Variants in PLCH2 observed in about 807,000 individuals in gnomAD.
PLCH2 encodes the protein 1-phosphatidylinositol 4,5-bisphosphate phosphodiesterase eta-2.
A neutral mutation model predicts 134.7 loss-of-function variants in PLCH2; 98 were observed. The observed-to-expected ratio is 0.73, with a 90% confidence interval of 0.62 to 0.86. PLCH2 has a LOEUF of 0.86. Ranked by LOEUF, PLCH2 falls within the 40% of genes least tolerant of loss-of-function variation. The pLI, the probability that PLCH2 is intolerant of heterozygous loss-of-function variation, is 0.00. For missense variants in PLCH2, 1,994 were observed against 1,986.6 expected, an observed-to-expected ratio of 1.00 and a Z score of -0.07; for synonymous variants, 974 against 827.5, an observed-to-expected ratio of 1.18 and a Z score of -3.04.
At chr1:2,478,653 CA>C in intron 2 of PLCH2, 31 bp downstream of exon 2, 1 of 1,584,954 alleles carries the variant, frequency 6.3e-7, no homozygotes, top group Non-Finnish European at 8.6e-7. Flanking sequence ...GGGGACAAAT[CA>C]GAGTCCCTGG....
upstream of PLCH2, among the ~76,000 whole-genome samples, chr1:2,471,825 C>G (rs1419880988): frequency 6.6e-6 from 1 of 152,178 alleles, no homozygotes; most frequent in Non-Finnish European, 1.5e-5. Context: ...AAGTCAGGCC[C>G]CAGGGCCCCC....
chr1:2,472,802 C>T (rs1015291473), upstream of PLCH2, among the ~76,000 whole-genome samples: 14 of 152,226 alleles, frequency 9.2e-5, no homozygotes, highest in Middle Eastern at 3.4e-3. Context: ...GGCCCCTGCC[C>T]GTCCCGTACA....
chr1:2,476,148 G>A (rs1318507160), upstream of PLCH2, among the ~76,000 whole-genome samples: 9 of 152,244 alleles, frequency 5.9e-5, no homozygotes, highest in Non-Finnish European at 1.5e-5. Flanking sequence ...GGGTCTGGTG[G>A]CCTGGGGCCT....
rs1643403820 is a variant in PLCH2 at position 2,504,245 on chromosome 1, A to C, written c.3283A>C (p.Lys1095Gln). The part of the protein sequence containing the change: ...LGHLPVIRRV[K>Q]SEGQVPTEPL... ...CCACCTGCCCGTGATTAGAAGGGTG[A>C]AGAGTGAGGGGCAGGTGCCCACGGA... Residue 1095 changes from lysine (K) to glutamine (Q), a missense_variant, in exon 22 of 22, where the codon AAG (lysine) becomes CAG (glutamine). Lys to Gln is a moderately conservative substitution (Grantham distance 53). Around this residue, in one of 2 missense-constraint regions of PLCH2, gnomAD observed 900 missense variants for 752.3 expected, o/e 1.20. Transcript: ENST00000378486. 6.3e-7 allele frequency: 1 copy of C among 1,585,744 alleles called. No individual in the cohort carries two copies. The highest frequency in any genetic ancestry group is 2.3e-5 in the East Asian group (1 of 43,312).
chr1:2,449,614 G>A (rs1640100721), intron 2 of PLCH2, among the ~76,000 whole-genome samples: 2 of 152,210 alleles, frequency 1.3e-5, no homozygotes, highest in Non-Finnish European at 2.9e-5. Flanking sequence ...AGCAGCCTCT[G>A]CCTGGCCTGG....
At chr1:2,487,424 G>A (rs374579171) in intron 7 of PLCH2, 48 bp downstream of exon 7, 1 of 1,557,002 alleles carries the variant, frequency 6.4e-7, no homozygotes. Flanking sequence ...ATCTGCTGTG[G>A]GAGATGGGCT....
In PLCH2 at chr1:2,434,840, C is replaced by T. The variant is rs114166581; in HGVS notation, c.115+4211C>T. 2.4e-3 allele frequency among the ~76,000 whole-genome samples: 364 copies of T among 152,324 alleles called. 1 individual carries two copies. The highest frequency in any genetic ancestry group is 3.8e-3 in the Non-Finnish European group (257 of 68,038). On this transcript the variant is annotated intron_variant, in intron 2 of 3. Coordinates refer to the PLCH2 transcript ENST00000609981. The stretch of plus-strand genomic sequence containing the variant: ...AAATCGAGGCTCCCCGTGGAAACCA[C>T]CCCCGGGCAGAATCAGCTGTGGGTT...
intron 4 of PLCH2, among the ~76,000 whole-genome samples, chr1:2,482,280 G>A (rs765377952): frequency 7.9e-5 from 12 of 152,326 alleles, no homozygotes; most frequent in East Asian, 1.9e-4. Context: ...TCTCTGCCCA[G>A]CTCAGCCACA....
At chr1:2,425,260 TACACACATATAC>T (rs1387730546), upstream of PLCH2, among the ~76,000 whole-genome samples, 9 of 150,324 alleles carry the variant, frequency 6.0e-5, no homozygotes, top group African/African-American at 9.8e-5. Flanking sequence ...CACACATACA[TACACACATATAC>T]ACACACATAT....
intron 2 of PLCH2, among the ~76,000 whole-genome samples, chr1:2,432,385 G>A (rs1166897962): frequency 1.3e-4 from 20 of 152,286 alleles, no homozygotes; most frequent in Admixed American, 1.2e-3. Context: ...ACAGCACTGG[G>A]GCCAGCCCCC....
the PLCH2 span, among the ~76,000 whole-genome samples, chr1:2,416,586 AG>A: frequency 6.6e-6 from 1 of 151,722 alleles, no homozygotes; most frequent in East Asian, 1.9e-4. Context: ...GGGCCCAGGG[AG>A]GGGAAGTGAG....
intron 2 of PLCH2, among the ~76,000 whole-genome samples, chr1:2,453,066 C>T (rs1640320404): frequency 6.6e-6 from 1 of 152,178 alleles, no homozygotes; most frequent in African/African-American, 2.4e-5. Flanking sequence ...GGGGCGCCCC[C>T]TCAGTGCTCT....
chr1:2,448,235 C>T lies in PLCH2; in HGVS notation c.115+17606C>T, dbSNP rs897369130. Among the ~76,000 whole-genome samples, 2 of 152,178 alleles carry T rather than the reference C, an allele frequency of 1.3e-5. No homozygotes were observed. The highest frequency in any genetic ancestry group is 4.8e-5 in the African/African-American group (2 of 41,434). ...CTGGGACCGGCTGCCGTGCACTGGC[C>T]ACTAAAAACGCCGCACGCTTATTCT... On this transcript the variant is annotated intron_variant, in intron 2 of 3. Coordinates refer to the PLCH2 transcript ENST00000609981. This position sits in a 1 kb window ranked among gnomAD's most constrained non-coding sequence, Gnocchi z 4.0.
chr1:2,425,609 G>A (rs1402510238), upstream of PLCH2, among the ~76,000 whole-genome samples: 3 of 152,108 alleles, frequency 2.0e-5, no homozygotes, highest in African/African-American at 7.2e-5. Context: ...TGCCTTCTGT[G>A]CTCAAGTGAT....
Position 2,444,480 on chromosome 1 carries a change from C to T in PLCH2, c.115+13851C>T, listed in dbSNP as rs1256569053. On this transcript the variant is annotated intron_variant, in intron 2 of 3. Transcript: ENST00000609981. The surrounding 1 kb of genome is among the most constrained non-coding windows in gnomAD (Gnocchi z 4.6). ...GGCACTGCCCGGGCAGGCGGGAGCT[C>T]CGGAGGCCCTGGGGCGGCCCTGCTG... is the stretch of plus-strand genomic sequence containing the variant. 1.3e-5 allele frequency among the ~76,000 whole-genome samples: 2 copies of T among 152,146 alleles called. No individual in the cohort carries two copies. The highest frequency in any genetic ancestry group is 4.8e-5 in the African/African-American group (2 of 41,440).
intron 2 of PLCH2, among the ~76,000 whole-genome samples, chr1:2,436,081 T>TTCCTCCCCTCCTCCCTTCCTCCCTCCA (rs1557942385): frequency 1.2e-5 from 1 of 83,590 alleles, no homozygotes; most frequent in Non-Finnish European, 2.4e-5. Context: ...TCCTCTCTCC[T>TTCCTCCCCTCCTCCCTTCCTCCCTCCA]CCCTCTTCCC....
rs1490341958 is a variant in PLCH2 at position 2,480,325 on chromosome 1, G to A, written c.645+13G>A. 10 of 1,609,790 alleles carry A rather than the reference G, an allele frequency of 6.2e-6. No individual in the cohort carries two copies. The highest frequency in any genetic ancestry group is 8.5e-6 in the Non-Finnish European group (10 of 1,177,894). Reference sequence around the variant, plus strand: ...GCAGATGTTCAGGGTGAGCTGGGGGGAGCCCTACCTGGGCTCCAGAGCCAG... The same window carrying A: ...GCAGATGTTCAGGGTGAGCTGGGGGAAGCCCTACCTGGGCTCCAGAGCCAG... On this transcript the variant is annotated intron_variant, in intron 4 of 21. Coordinates refer to ENST00000378486, the MANE Select transcript of PLCH2 (RefSeq NM_014638.4).
chr1:2,487,025 C>G (rs1297477553), intron 6 of PLCH2, 25 bp downstream of exon 6: 1 of 1,568,984 alleles, frequency 6.4e-7, no homozygotes, highest in Admixed American at 1.9e-5. Flanking sequence ...GCCCTCAGCC[C>G]AGCTGTCCTG....
rs750848024 is a variant in PLCH2 at position 2,487,252 on chromosome 1, G to C, written c.990G>C (p.Gln330His). The C allele has an allele frequency of 4.3e-6, 7 of 1,612,236 alleles. No individual in the cohort carries two copies. The South Asian group carries it at 6.6e-5, about 15-fold the overall frequency. Residue 330 changes from glutamine (Q) to histidine (H), a missense_variant, in exon 7 of 22, where the codon CAG becomes CAC. By Grantham distance (24) the Gln-to-His change is conservative. This residue lies in a region of PLCH2 where 1,094 missense variants were observed against 1,234.3 expected (regional missense o/e 0.89). Transcript: ENST00000378486. ...EHHHVHQDMT[Q>H]PLSHYFITSS... ...ACCATGTGCACCAGGACATGACGCA[G>C]CCGCTGAGCCACTACTTCATCACCT...
Sources: gnomAD v4.1 joint callset for allele counts (sites outside exome capture counted in the v4.1 genomes callset) on GRCh38, gnomAD v4.1.1 for gene constraint, gnomAD v4.1.1 regional missense constraint, Gnocchi (gnomAD v3.1) non-coding constraint, MANE v1.5 for transcripts, NCBI Gene and HGNC (gene_info 2026-07-23, HGNC 2026-07-21) for gene names.